OTOGL: variants seen among roughly 807,000 people sequenced by gnomAD.
The protein encoded by OTOGL is otogelin like.
A neutral mutation model predicts 318.5 loss-of-function variants in OTOGL; 285 were observed. That is an observed-to-expected ratio of 0.89 (90% confidence interval 0.81 to 0.99). The LOEUF is 0.99. OTOGL is among the 50% of genes least tolerant of loss of function. The probability of loss-of-function intolerance (pLI) is 0.00; values close to 1 mark genes in which losing one functional copy is unlikely to be tolerated. For synonymous variants in OTOGL, 987 were observed against 936.5 expected (o/e 1.05, Z -0.99); for missense variants, 2,899 against 2,845.6 (o/e 1.02, Z -0.43).
intron 1 of OTOGL, among the ~76,000 whole-genome samples, chr12:80,129,242 G>C (rs1871083659): frequency 6.6e-6 from 1 of 152,190 alleles, no homozygotes; most frequent in South Asian, 2.1e-4. Flanking sequence ...TTGGAAGAGA[G>C]AGTGTAAGAT....
intron 1 of OTOGL, among the ~76,000 whole-genome samples, chr12:80,174,213 T>C (rs182327544): frequency 1.3e-5 from 2 of 152,330 alleles, no homozygotes; most frequent in African/African-American, 4.8e-5. Flanking sequence ...TTGTTTCTTC[T>C]GAGCTGGAGT....
At chr12:80,166,017 C>T (rs1323285785) in intron 1 of OTOGL, among the ~76,000 whole-genome samples, 1 of 152,174 alleles carries the variant, frequency 6.6e-6, no homozygotes, top group East Asian at 1.9e-4. Flanking sequence ...TGCTTTCCTT[C>T]TGAGTACAAG....
At chr12:80,144,770 T>A (rs866182257) in intron 1 of OTOGL, among the ~76,000 whole-genome samples, 2,810 of 152,282 alleles carry the variant, frequency 0.018, 80 homozygotes, top group African/African-American at 0.062. Flanking sequence ...AGATGGTATC[T>A]CATTGTGGTT....
At chr12:80,358,101 T>C (rs1358250457) in intron 49 of OTOGL, 147 bp from the exon 50 acceptor site, 1 of 635,104 alleles carries the variant, frequency 1.6e-6, no homozygotes, top group Non-Finnish European at 2.8e-6. Flanking sequence ...TTATTGTTTT[T>C]ATGGCCAAAT....
At chr12:80,312,522 C>G (rs556623168) in intron 30 of OTOGL, among the ~76,000 whole-genome samples, 11 of 152,184 alleles carry the variant, frequency 7.2e-5, no homozygotes, top group African/African-American at 2.4e-4. Flanking sequence ...CTTTGGGGAT[C>G]TCAGTGATTT....
chr12:80,210,944 ACCT>A lies in OTOGL; in HGVS notation c.119+60_119+62del, dbSNP rs1460665536. 6.7e-6 allele frequency: 8 copies of A among 1,191,776 alleles called. No individual in the cohort carries two copies. In the African/African-American group the frequency reaches 1.3e-4, roughly 19 times the overall value. 73.8% of individuals were successfully genotyped at this position (1,191,776 alleles called of 1,614,324 possible). On this transcript the variant is annotated intron_variant, in intron 3 of 58. Transcript: ENST00000547103. ...ACATAAAGTTAATGGGAATGAGCAAACCTCAGCAGGCAACTATATCTGCTTTTG... is the reference window on the plus strand; with the variant it reads ...ACATAAAGTTAATGGGAATGAGCAAACAGCAGGCAACTATATCTGCTTTTG...
intron 11 of OTOGL, among the ~76,000 whole-genome samples, chr12:80,242,666 C>G (rs971457351): frequency 6.6e-6 from 1 of 152,034 alleles, no homozygotes; most frequent in Non-Finnish European, 1.5e-5. Context: ...CAACACACAT[C>G]TTTTGAGTAT....
At chr12:80,162,941 G>A (rs990698707) in intron 1 of OTOGL, among the ~76,000 whole-genome samples, 3 of 151,948 alleles carry the variant, frequency 2.0e-5, no homozygotes, top group Non-Finnish European at 4.4e-5. Flanking sequence ...GGCTGACACA[G>A]ACAGTTCTTT....
At chr12:80,113,580 C>A (rs1869977935) in intron 1 of OTOGL, among the ~76,000 whole-genome samples, 1 of 152,112 alleles carries the variant, frequency 6.6e-6, no homozygotes. Flanking sequence ...GTTTCTTAAT[C>A]CTGAGTTCTA....
At chr12:80,279,914 A>G (rs1031815345) in intron 26 of OTOGL, among the ~76,000 whole-genome samples, 2 of 151,666 alleles carry the variant, frequency 1.3e-5, no homozygotes, top group African/African-American at 2.4e-5. Context: ...CCAGCAGCAT[A>G]TAGCAGTGTA....
chr12:80,228,953 G>A (rs963567786), intron 7 of OTOGL, among the ~76,000 whole-genome samples: 1 of 152,082 alleles, frequency 6.6e-6, no homozygotes, highest in Admixed American at 6.6e-5. Flanking sequence ...GCACTCCAGA[G>A]TTTTACTATT....
chr12:80,358,538 C>G, intron 50 of OTOGL, 133 bp from the exon 51 acceptor site: 1 of 835,296 alleles, frequency 1.2e-6, no homozygotes, highest in Non-Finnish European at 1.9e-6. Context: ...ACATGGCAAT[C>G]TGACGGTGGG....
chr12:80,160,008 A>G (rs1471727914), intron 1 of OTOGL, among the ~76,000 whole-genome samples: 1 of 152,086 alleles, frequency 6.6e-6, no homozygotes, highest in East Asian at 1.9e-4. Flanking sequence ...AGGACACCCT[A>G]TTCAACAAAT....
intron 7 of OTOGL, among the ~76,000 whole-genome samples, chr12:80,228,845 A>T (rs1879110567): frequency 6.6e-6 from 1 of 152,086 alleles, no homozygotes; most frequent in Non-Finnish European, 1.5e-5. Flanking sequence ...GTCACTTTTC[A>T]ACCTTTAAAT....
At chr12:80,118,525 T>C (rs998914167) in intron 1 of OTOGL, among the ~76,000 whole-genome samples, 1 of 152,188 alleles carries the variant, frequency 6.6e-6, no homozygotes, top group Non-Finnish European at 1.5e-5. Flanking sequence ...CTAAATTCAA[T>C]ATACTTACAA....
chr12:80,108,907 T>A (rs1869650802), intron 1 of OTOGL, among the ~76,000 whole-genome samples: 1 of 121,588 alleles, frequency 8.2e-6, no homozygotes, highest in Admixed American at 8.5e-5. Context: ...TATATATGTG[T>A]ATATATATGT....
chr12:80,283,519 A>G (rs1884387304), intron 26 of OTOGL, among the ~76,000 whole-genome samples: 1 of 152,062 alleles, frequency 6.6e-6, no homozygotes, highest in Non-Finnish European at 1.5e-5. Flanking sequence ...ATTTTTATAT[A>G]CTCATCTAGA....
At chr12:80,250,405 A>T (rs1209368488) in intron 11 of OTOGL, among the ~76,000 whole-genome samples, 1 of 152,188 alleles carries the variant, frequency 6.6e-6, no homozygotes, top group Non-Finnish European at 1.5e-5. Context: ...TGAGTATTAT[A>T]GTAATAGTTG....
chr12:80,113,929 T>A (rs1351527622), intron 1 of OTOGL, among the ~76,000 whole-genome samples: 1 of 152,180 alleles, frequency 6.6e-6, no homozygotes, highest in African/African-American at 2.4e-5. Context: ...GAGACTAGGA[T>A]TGCAACACCT....
Sources: allele counts gnomAD v4.1 joint callset (sites outside exome capture counted in the v4.1 genomes callset), GRCh38; gene constraint gnomAD v4.1.1; transcripts MANE v1.5; gene names NCBI Gene and HGNC (gene_info 2026-07-23, HGNC 2026-07-21).